Variants in SUCLG2 observed in about 807,000 individuals in gnomAD.
SUCLG2 encodes the protein succinate-CoA ligase GDP-forming subunit beta.
In SUCLG2, 42 loss-of-function variants were observed where a neutral mutation model predicts 47.9. That is an observed-to-expected ratio of 0.88 (90% CI 0.69 to 1.14). The LOEUF (loss-of-function observed/expected upper bound fraction) is 1.14, where lower values mean the gene tolerates loss of function less well. SUCLG2 is among the 50% of genes most tolerant of loss of function. The probability of loss-of-function intolerance (pLI) is 0.00; values close to 1 mark genes in which losing one functional copy is unlikely to be tolerated. For synonymous variants in SUCLG2, 195 were observed against 197.3 expected, an observed-to-expected ratio of 0.99 and a Z score of 0.10; for missense variants, 571 against 525.9, an observed-to-expected ratio of 1.09 and a Z score of -0.84.
At chr3:67,647,614 A>T (rs1194252012) in intron 1 of SUCLG2, among the ~76,000 whole-genome samples, 1 of 152,214 alleles carries the variant, frequency 6.6e-6, no homozygotes, top group African/African-American at 2.4e-5. Flanking sequence ...CAAATCTTTG[A>T]TGCACGAGGT....
At chr3:67,597,610 T>C (rs1708322203) in intron 2 of SUCLG2, among the ~76,000 whole-genome samples, 1 of 152,106 alleles carries the variant, frequency 6.6e-6, no homozygotes, top group African/African-American at 2.4e-5. Context: ...CATCCTTCAT[T>C]TAAAAGCTGC....
At chr3:67,621,770 T>C (rs960591289) in intron 1 of SUCLG2, among the ~76,000 whole-genome samples, 1 of 152,152 alleles carries the variant, frequency 6.6e-6, no homozygotes, top group Non-Finnish European at 1.5e-5. Flanking sequence ...CCTCACCAGA[T>C]ACAGCCCTTT....
At chr3:67,482,445 A>G (rs549469810) in intron 9 of SUCLG2, among the ~76,000 whole-genome samples, 1 of 149,560 alleles carries the variant, frequency 6.7e-6, no homozygotes, top group African/African-American at 2.5e-5. Flanking sequence ...CTTTCAGTAT[A>G]AGTTCTCTTC....
At chr3:67,652,017 C>G (rs914088515) in intron 1 of SUCLG2, among the ~76,000 whole-genome samples, 1 of 152,198 alleles carries the variant, frequency 6.6e-6, no homozygotes, top group African/African-American at 2.4e-5. Flanking sequence ...ATTCACCATC[C>G]CCAAACCCCA....
At chr3:67,370,930 A>G (rs984034805), downstream of SUCLG2, among the ~76,000 whole-genome samples, 1 of 152,216 alleles carries the variant, frequency 6.6e-6, no homozygotes, top group Non-Finnish European at 1.5e-5. Flanking sequence ...GCTTTTTAAT[A>G]CAAGGTCCTT....
chr3:67,518,167 A>G (rs1336697641), intron 6 of SUCLG2, 80 bp downstream of exon 6: 1 of 1,169,008 alleles, frequency 8.6e-7, no homozygotes, highest in Non-Finnish European at 1.2e-6. Flanking sequence ...TGGTAATCAC[A>G]AACACTAGAG....
rs142757706 is a variant in SUCLG2, at chr3:67,531,297, T to G, written c.227-2111A>C. Among the ~76,000 whole-genome samples the G allele has an allele frequency of 5.7e-3, 872 of 152,322 alleles. 7 individuals are homozygous for G. The highest frequency in any genetic ancestry group is 0.019 in the African/African-American group (796 of 41,572). ...TTTTAATTGTGATCACTTCAAATTC[T>G]TTACATAACTGGCATTCCATTGCCA... On this transcript the variant is annotated intron_variant, in intron 2 of 10. Coordinates refer to ENST00000307227, the MANE Select transcript of SUCLG2 (RefSeq NM_003848.4).
chr3:67,402,983 T>TAA (rs1702721303), intron 9 of SUCLG2, among the ~76,000 whole-genome samples: 2 of 152,340 alleles, frequency 1.3e-5, no homozygotes, highest in South Asian at 4.1e-4. Flanking sequence ...GATTCAATTC[T>TAA]ACTTAGTGGG....
chr3:67,543,184 T>C (rs919054384), intron 2 of SUCLG2, among the ~76,000 whole-genome samples: 1 of 152,180 alleles, frequency 6.6e-6, no homozygotes, highest in African/African-American at 2.4e-5. Flanking sequence ...CACAACTACA[T>C]GGAAATTCAA....
intron 7 of SUCLG2, among the ~76,000 whole-genome samples, chr3:67,502,405 T>G (rs1422610771): frequency 6.6e-6 from 1 of 152,204 alleles, no homozygotes; most frequent in Non-Finnish European, 1.5e-5. Context: ...ATCAAAAATA[T>G]CAGGGTATAA....
chr3:67,633,723 C>T (rs1270434303), intron 1 of SUCLG2, among the ~76,000 whole-genome samples: 1 of 152,086 alleles, frequency 6.6e-6, no homozygotes, highest in Non-Finnish European at 1.5e-5. Context: ...TTTTAATGGA[C>T]AGTTATTTAA....
At chr3:67,515,938 C>G (rs543311002) in intron 6 of SUCLG2, among the ~76,000 whole-genome samples, 1 of 152,164 alleles carries the variant, frequency 6.6e-6, no homozygotes, top group Non-Finnish European at 1.5e-5. Flanking sequence ...AGATCAACCT[C>G]TCTCTCCCTC....
At position 67,609,467 on chromosome 3, in the gene SUCLG2, C is replaced by A; in HGVS notation, c.214G>T (p.Ala72Ser). ...TGAATCAGCTTACTTAGTCTCTTAG[C>A]AGCCTCGAGAGCTTCATTTGCAGTG... is the stretch of plus-strand genomic sequence containing the variant. Reference protein sequence around the residue: ...ADTANEALEAAKRLNAKEIVL... With the variant: ...ADTANEALEASKRLNAKEIVL... The change falls in exon 2 of 11, where the codon GCT becomes TCT. Residue 72 changes from alanine to serine, a missense_variant. Transcript: ENST00000307227. 6.2e-7 allele frequency: 1 copy of A among 1,612,076 alleles called. No individual in the cohort carries two copies. The highest frequency in any genetic ancestry group is 8.5e-7 in the Non-Finnish European group (1 of 1,179,626).
At chr3:67,471,005 A>T (rs73104351) in intron 9 of SUCLG2, among the ~76,000 whole-genome samples, 8,476 of 152,242 alleles carry the variant, frequency 0.056, 386 homozygotes, top group East Asian at 0.22. Flanking sequence ...TTACGCAAAA[A>T]GGGACACTAG....
At chr3:67,547,089 A>AC (rs1706886211) in intron 2 of SUCLG2, among the ~76,000 whole-genome samples, 3 of 151,944 alleles carry the variant, frequency 2.0e-5, no homozygotes, top group Admixed American at 6.6e-5. Flanking sequence ...TGATATCCTA[A>AC]CCCCCAGGTG....
At chr3:67,418,565 T>C (rs538892054) in intron 9 of SUCLG2, among the ~76,000 whole-genome samples, 2 of 152,322 alleles carry the variant, frequency 1.3e-5, no homozygotes, top group African/African-American at 2.4e-5. Flanking sequence ...ACAAAATCTA[T>C]GACAAATCCA....
rs1702870935 is a variant in SUCLG2, at chr3:67,408,739, T to G, written c.1063-7888A>C. 9.0e-6 allele frequency: 12 copies of G among 1,329,206 alleles called. No individual in the cohort carries two copies. The South Asian group carries it at 2.4e-4, about 27-fold the overall frequency. 82.3% of individuals were successfully genotyped at this position (1,329,206 alleles called of 1,614,324 possible). A position where few individuals can be genotyped will look rare whatever the true frequency, so the allele number is the denominator to read the frequency against. ...AACTGTATGGAGGATTAAGGTTTAT[T>G]GAGTGTTAATTTTCCTAGGTGCTAA... On this transcript the variant is annotated intron_variant, in intron 9 of 10. Transcript: ENST00000307227.
chr3:67,635,667 C>T (rs953287130), intron 1 of SUCLG2, among the ~76,000 whole-genome samples: 11 of 152,274 alleles, frequency 7.2e-5, no homozygotes, highest in African/African-American at 2.4e-4. Context: ...CCCAGTTTCC[C>T]GCTGCTTAGG....
At chr3:67,586,073 T>G (rs959443246) in intron 2 of SUCLG2, among the ~76,000 whole-genome samples, 3 of 151,008 alleles carry the variant, frequency 2.0e-5, no homozygotes, top group African/African-American at 7.3e-5. Context: ...AATGCTGACA[T>G]CAACCAGCCA....
Sources: gnomAD v4.1 joint callset for allele counts (sites outside exome capture counted in the v4.1 genomes callset) on GRCh38, gnomAD v4.1.1 for gene constraint, MANE v1.5 for transcripts, NCBI Gene and HGNC (gene_info 2026-07-23, HGNC 2026-07-21) for gene names.